APOL6: variants seen among roughly 807,000 people sequenced by gnomAD.
APOL6 encodes apolipoprotein L6.
Under a neutral mutation model 2.4 loss-of-function variants are expected in APOL6, and 1 was observed. The ratio of observed to expected loss-of-function variants is 0.41; its 90% CI spans 0.15 to 1.94. The LOEUF (loss-of-function observed/expected upper bound fraction) is 1.94, where lower values mean the gene tolerates loss of function less well. APOL6 is among the 30% of genes most tolerant of loss of function. APOL6 has a pLI of 0.30. For synonymous variants in APOL6, 189 were observed against 169.3 expected (o/e 1.12, Z -0.90); for missense variants, 438 against 429.2 (o/e 1.02, Z -0.18).
rs751152444 is a variant in APOL6, at chr22:35,659,264, C to T, written c.700C>T (p.Arg234Cys). The T allele has an allele frequency of 3.8e-5, 61 of 1,614,006 alleles. No homozygotes were observed. Among genetic ancestry groups the T allele is most frequent in the Middle Eastern group, 1.6e-4 (1 of 6,084 alleles). Reference sequence around the variant, plus strand: ...AACACTGGCGATGACCAAAAATGCTCGCGTGCTGGGAGGTGTGATGTCCGC... The same window carrying T: ...AACACTGGCGATGACCAAAAATGCTTGCGTGCTGGGAGGTGTGATGTCCGC... ...GTTLAMTKNA[R>C]VLGGVMSAFS... Residue 234 changes from arginine (R) to cysteine (C), a missense_variant, in exon 3 of 3, where the codon CGC becomes TGC. Physicochemically the swap from Arg to Cys is radical, Grantham distance 180. Coordinates refer to ENST00000409652, the MANE Select transcript of APOL6 (RefSeq NM_030641.4).
rs1375717974 is a variant in APOL6 at position 35,659,296 on chromosome 22, CCTTGGCTATGA to C, written c.739_749del (p.Tyr247HisfsTer137). 6.2e-7 allele frequency: 1 copy of C among 1,614,126 alleles called. No homozygotes were observed. On this transcript the variant is annotated frameshift_variant, in exon 3 of 3. Coordinates refer to ENST00000409652, the MANE Select transcript of APOL6 (RefSeq NM_030641.4). LOFTEE classifies it low-confidence loss of function (END_TRUNC). ...TGGGAGGTGTGATGTCCGCCTTCTC[CCTTGGCTATGA>C]CTTGGCCACTCTCTCAAAGGAATGG...
In APOL6 at chr22:35,663,921, A is replaced by G. The variant is rs747547889; in HGVS notation, c.*4325A>G. ...GCCTAATACGTCTTTATATGTATGT[A>G]TGTGTTGTGTACACGATGTTTTAGT... On this transcript the variant is annotated 3_prime_UTR_variant, in exon 3 of 3. Coordinates refer to ENST00000409652, the MANE Select transcript of APOL6 (RefSeq NM_030641.4). The G allele has an allele frequency of 2.0e-5, 3 of 152,166 alleles. No homozygotes were observed. The highest frequency in any genetic ancestry group is 2.9e-5 in the Non-Finnish European group (2 of 68,024). The allele number at this position is 152,166 out of a possible 1,614,324, so 9.4% of individuals were successfully genotyped here.
At position 35,659,043 on chromosome 22, in the gene APOL6, AG is replaced by A; in HGVS notation, c.481del (p.Ala161GlnfsTer18). The A allele has an allele frequency of 6.2e-7, 1 of 1,613,992 alleles. No individual in the cohort carries two copies. Among genetic ancestry groups the A allele is most frequent in the African/African-American group, 1.3e-5 (1 of 75,060 alleles). On this transcript the variant is annotated frameshift_variant, in exon 3 of 3. Transcript: ENST00000409652. LOFTEE classifies it low-confidence loss of function (END_TRUNC). The stretch of plus-strand genomic sequence containing the variant: ...GAGGACAGGGAGGATGAGGAAGAGA[AG>A]GCAGACTATGTCACAGCTGCTGGAA... ...DQEDREDEEE[K>X]ADYVTAAGKI...
intron 1 of APOL6, among the ~76,000 whole-genome samples, chr22:35,649,902 C>T (rs1168308024): frequency 6.6e-6 from 1 of 152,154 alleles, no homozygotes; most frequent in African/African-American, 2.4e-5. Context: ...GGCCTCTGCC[C>T]TCTACATACC....
At chr22:35,653,955 C>T (rs188398360) in intron 1 of APOL6, among the ~76,000 whole-genome samples, 53 of 152,340 alleles carry the variant, frequency 3.5e-4, no homozygotes, top group African/African-American at 1.2e-3. Context: ...GTTTCCACAA[C>T]TCCCTCCTCA....
At position 35,659,455 on chromosome 22, in the gene APOL6, G is replaced by T. The variant is rs200252501; in HGVS notation, c.891G>T (p.Arg297Ser). The change falls in exon 3 of 3, where the codon AGG becomes AGT. Residue 297 changes from arginine to serine, a missense_variant. Coordinates refer to ENST00000409652, the MANE Select transcript of APOL6 (RefSeq NM_030641.4). The part of the protein sequence containing the change: ...QLYKSLQQKV[R>S]SRARGVGKDL... ...ACAAGAGCTTGCAGCAGAAAGTGAG[G>T]TCAAGGGCCAGAGGGGTGGGGAAGG... 19 of 1,613,894 alleles carry T rather than the reference G, an allele frequency of 1.2e-5. No homozygotes were observed. Among genetic ancestry groups the T allele is most frequent in the Non-Finnish European group, 1.5e-5 (18 of 1,180,026 alleles).
rs1412864562 is a variant in APOL6 at position 35,664,517 on chromosome 22, G to C, written c.*4921G>C. On this transcript the variant is annotated 3_prime_UTR_variant, in exon 3 of 3. Coordinates refer to ENST00000409652, the MANE Select transcript of APOL6 (RefSeq NM_030641.4). Reference sequence around the variant, plus strand: ...AGGACAGCTTGGAAGTTAAGAGCAAGGTGGAGTCAGTTAGGTCAAATCGTT... The same window carrying C: ...AGGACAGCTTGGAAGTTAAGAGCAACGTGGAGTCAGTTAGGTCAAATCGTT... The C allele has an allele frequency of 6.6e-6, 1 of 152,226 alleles. No individual in the cohort carries two copies. The highest frequency in any genetic ancestry group is 2.4e-5 in the African/African-American group (1 of 41,458). 9.4% of individuals were successfully genotyped at this position (152,226 alleles called of 1,614,324 possible). A position where few individuals can be genotyped will look rare whatever the true frequency, so the allele number is the denominator to read the frequency against.
At position 35,658,760 on chromosome 22, in the gene APOL6, G is replaced by A. The variant is rs756354553; in HGVS notation, c.196G>A (p.Asp66Asn). Reference protein sequence around the residue: ...NIDKLRALADDIDKTHKKFTK... With the variant: ...NIDKLRALADNIDKTHKKFTK... ...TGACAAGCTCCGTGCCCTCGCAGAC[G>A]ATATTGACAAAACCCACAAGAAATT... is the stretch of plus-strand genomic sequence containing the variant. The change falls in exon 3 of 3, where the codon GAT becomes AAT. Residue 66 changes from aspartate to asparagine, a missense_variant. Transcript: ENST00000409652. 1.4e-5 allele frequency: 22 copies of A among 1,614,012 alleles called. No homozygotes were observed. Among genetic ancestry groups the A allele is most frequent in the Non-Finnish European group, 1.6e-5 (19 of 1,180,022 alleles).
At chr22:35,649,148 C>T (rs913035907) in intron 1 of APOL6, among the ~76,000 whole-genome samples, 3 of 152,018 alleles carry the variant, frequency 2.0e-5, no homozygotes, top group Non-Finnish European at 2.9e-5. Context: ...AATATTAGGG[C>T]GACTAGGCCA....
intron 1 of APOL6, among the ~76,000 whole-genome samples, chr22:35,650,069 C>T (rs73155842): frequency 4.1e-3 from 622 of 152,310 alleles, no homozygotes; most frequent in Non-Finnish European, 7.2e-3. Flanking sequence ...ACACTGGCCT[C>T]CCTATGTCTC....
In APOL6 at chr22:35,662,781, CT is replaced by C. The variant is rs1433182131; in HGVS notation, c.*3186del. 1 of 152,202 alleles carries C rather than the reference CT, an allele frequency of 6.6e-6. No individual in the cohort carries two copies. Among genetic ancestry groups the C allele is most frequent in the Non-Finnish European group, 1.5e-5 (1 of 68,036 alleles). 9.4% of individuals were successfully genotyped at this position (152,202 alleles called of 1,614,324 possible). On this transcript the variant is annotated 3_prime_UTR_variant, in exon 3 of 3. Transcript: ENST00000409652. ...GAATGGATTCTGGGTGGAGATGCCC[CT>C]GACCCTTGACAAATCTATCGGTGCT...
chr22:35,663,064 C>G lies in APOL6; in HGVS notation c.*3468C>G, dbSNP rs929734783. 1 of 152,166 alleles carries G rather than the reference C, an allele frequency of 6.6e-6. No individual in the cohort carries two copies. The highest frequency in any genetic ancestry group is 2.4e-5 in the African/African-American group (1 of 41,434). The allele number at this position is 152,166 out of a possible 1,614,324, so 9.4% of individuals were successfully genotyped here. A position where few individuals can be genotyped will look rare whatever the true frequency, so the allele number is the denominator to read the frequency against. On this transcript the variant is annotated 3_prime_UTR_variant, in exon 3 of 3. Coordinates refer to ENST00000409652, the MANE Select transcript of APOL6 (RefSeq NM_030641.4). Reference sequence around the variant, plus strand: ...TTTCTTCCAATGCACTTAGAGCACTCAGAAATTGTATAATTTGTGTGACCA... The same window carrying G: ...TTTCTTCCAATGCACTTAGAGCACTGAGAAATTGTATAATTTGTGTGACCA...
At chr22:35,658,506 G>T in intron 2 of APOL6, 109 bp from the exon 3 acceptor site, 1 of 927,170 alleles carries the variant, frequency 1.1e-6, no homozygotes. Flanking sequence ...GGATTTTGTA[G>T]GGAGGTACAG....
rs1461235604 is a variant in APOL6, at chr22:35,663,295, G to C, written c.*3699G>C. On this transcript the variant is annotated 3_prime_UTR_variant, in exon 3 of 3. Transcript: ENST00000409652. ...GCCAGACCAAACTCAAAGAGCAATGGCTGTACTTCTGAAATAGCAACACTT... is the reference window on the plus strand; with the variant it reads ...GCCAGACCAAACTCAAAGAGCAATGCCTGTACTTCTGAAATAGCAACACTT... 1 of 152,118 alleles carries C rather than the reference G, an allele frequency of 6.6e-6. No individual in the cohort carries two copies. Among genetic ancestry groups the C allele is most frequent in the Non-Finnish European group, 1.5e-5 (1 of 68,028 alleles). 9.4% of individuals were successfully genotyped at this position (152,118 alleles called of 1,614,324 possible). A position where few individuals can be genotyped will look rare whatever the true frequency, so the allele number is the denominator to read the frequency against.
chr22:35,653,767 A>G (rs537058699), intron 1 of APOL6, among the ~76,000 whole-genome samples: 144 of 152,302 alleles, frequency 9.5e-4, no homozygotes, highest in Non-Finnish European at 1.8e-3. Flanking sequence ...TCTTTATGAG[A>G]ACAAACTTGG....
In APOL6 at chr22:35,652,919, T is replaced by C. The variant is rs1374896665; in HGVS notation, c.-47-3460T>C. On this transcript the variant is annotated intron_variant, in intron 1 of 2. Coordinates refer to ENST00000409652, the MANE Select transcript of APOL6 (RefSeq NM_030641.4). The stretch of plus-strand genomic sequence containing the variant: ...CCATATGAACTTTAAAGTAGTTTTT[T>C]CCAATTCTGTGAAGAAAGTCATTGG... 3.3e-5 allele frequency among the ~76,000 whole-genome samples: 5 copies of C among 152,028 alleles called. No homozygotes were observed. The East Asian group carries it at 9.7e-4, about 29-fold the overall frequency.
chr22:35,649,497 A>AT (rs1456118060), intron 1 of APOL6, among the ~76,000 whole-genome samples: 1 of 151,814 alleles, frequency 6.6e-6, no homozygotes, highest in Non-Finnish European at 1.5e-5. Flanking sequence ...AAGTAAGCAG[A>AT]TTTTTCTTAC....
rs144089629 is a variant in APOL6, at chr22:35,650,786, C to T, written c.-48+2163C>T. Among the ~76,000 whole-genome samples, 380 of 151,978 alleles carry T rather than the reference C, an allele frequency of 2.5e-3. 5 individuals are homozygous for T. The highest frequency in any genetic ancestry group is 8.9e-3 in the African/African-American group (368 of 41,448). ...CTCTACTAAAAATACAAAAATTAGC[C>T]GGGTGTGTTAGTACGTGCCTGTAAT... On this transcript the variant is annotated intron_variant, in intron 1 of 2. Coordinates refer to ENST00000409652, the MANE Select transcript of APOL6 (RefSeq NM_030641.4).
rs1924604892 is a variant in APOL6, at chr22:35,648,490, AT to A, written c.-180del. On this transcript the variant is annotated 5_prime_UTR_variant, in exon 1 of 3. Transcript: ENST00000409652. ...GTTCAAAGGCCACCCTACTCTTCCT[AT>A]CCGTCTTTCTCCAGCCCAGACACTC... is the stretch of plus-strand genomic sequence containing the variant. 1 of 152,426 alleles carries A rather than the reference AT, an allele frequency of 6.6e-6. No homozygotes were observed. Among genetic ancestry groups the A allele is most frequent in the South Asian group, 2.1e-4 (1 of 4,824 alleles). 9.4% of individuals were successfully genotyped at this position (152,426 alleles called of 1,614,324 possible). A position where few individuals can be genotyped will look rare whatever the true frequency, so the allele number is the denominator to read the frequency against.
Sources: gnomAD v4.1 joint callset for allele counts (sites outside exome capture counted in the v4.1 genomes callset) on GRCh38, gnomAD v4.1.1 for gene constraint, MANE v1.5 for transcripts, NCBI Gene and HGNC (gene_info 2026-07-23, HGNC 2026-07-21) for gene names.